The following C1orf94 variants were observed in gnomAD, a reference collection of about 807,000 sequenced individuals.
C1orf94 encodes the protein uncharacterized protein C1orf94.
A neutral mutation model predicts 53.6 loss-of-function variants in C1orf94; 45 were observed. The ratio of observed to expected loss-of-function variants is 0.84; its 90% confidence interval spans 0.66 to 1.08. The LOEUF (loss-of-function observed/expected upper bound fraction) is 1.08, where lower values mean the gene tolerates loss of function less well. Among genes scored for constraint, C1orf94 ranks in the 50% least tolerant of loss-of-function variants. The probability of loss-of-function intolerance (pLI) is 0.00; values close to 1 mark genes in which losing one functional copy is unlikely to be tolerated. For missense variants in C1orf94, 762 were observed against 738.9 expected (o/e 1.03, Z -0.36); for synonymous variants, 304 against 296.1 (o/e 1.03, Z -0.27).
At chr1:34,188,968 C>T (rs995149799) in intron 1 of C1orf94, among the ~76,000 whole-genome samples, 1 of 152,070 alleles carries the variant, frequency 6.6e-6, no homozygotes, top group Non-Finnish European at 1.5e-5. Context: ...TAGAATCCAC[C>T]TTCCTTCCCT....
At position 34,200,929 on chromosome 1, in the gene C1orf94, A is replaced by G. The variant is rs1642695927; in HGVS notation, c.1167A>G (p.Pro389=). 1.2e-6 allele frequency: 2 copies of G among 1,614,188 alleles called. No individual in the cohort carries two copies. The highest frequency in any genetic ancestry group is 1.7e-6 in the Non-Finnish European group (2 of 1,180,040). ...LTLPPKKPTC[P]AEKNLLYEFL... is the part of the protein sequence containing the mutation. ...TGCCGCCCAAGAAACCTACATGTCC[A>G]GCCGAGAAGAACTTGCTCTATGAGT... Residue 389 remains proline, a synonymous_variant, in exon 3 of 7, where the codon CCA becomes CCG. Transcript: ENST00000488417.
intron 1 of C1orf94, among the ~76,000 whole-genome samples, chr1:34,168,459 T>C (rs1642085963): frequency 6.6e-6 from 1 of 152,068 alleles, no homozygotes; most frequent in South Asian, 2.1e-4. Context: ...GTGGGGCAGA[T>C]CACATAGGGT....
intron 5 of C1orf94, among the ~76,000 whole-genome samples, chr1:34,209,129 C>T (rs1162487148): frequency 6.6e-6 from 1 of 152,074 alleles, no homozygotes; most frequent in African/African-American, 2.4e-5. Flanking sequence ...TCTGGCAACA[C>T]TACTTTCATG....
chr1:34,181,308 T>A (rs1472855497), intron 1 of C1orf94, among the ~76,000 whole-genome samples: 4 of 152,222 alleles, frequency 2.6e-5, no homozygotes, highest in Admixed American at 6.5e-5. Context: ...ACACTGTTGG[T>A]CCTTGTGGCA....
chr1:34,198,668 G>T (rs1642643723), intron 2 of C1orf94, among the ~76,000 whole-genome samples: 1 of 152,198 alleles, frequency 6.6e-6, no homozygotes, highest in Admixed American at 6.5e-5. Context: ...ATTTCCTCTG[G>T]GCTATGAGCA....
chr1:34,206,336 T>G (rs531307401), intron 4 of C1orf94, among the ~76,000 whole-genome samples: 1 of 152,048 alleles, frequency 6.6e-6, no homozygotes, highest in Non-Finnish European at 1.5e-5. Flanking sequence ...GAGAAGATGA[T>G]GAAAAAGAGG....
intron 4 of C1orf94, among the ~76,000 whole-genome samples, chr1:34,207,596 T>C (rs1318704245): frequency 6.6e-6 from 1 of 152,152 alleles, no homozygotes; most frequent in Non-Finnish European, 1.5e-5. Context: ...AGTTGTATAT[T>C]TGTACACAGA....
chr1:34,197,679 G>A lies in C1orf94; in HGVS notation c.775G>A (p.Val259Met). The change falls in exon 2 of 7, where the codon GTG becomes ATG. Residue 259 changes from valine to methionine, a missense_variant. Val to Met is a conservative substitution (Grantham distance 21). Transcript: ENST00000488417. The surrounding 1 kb of genome is among the most constrained non-coding windows in gnomAD (Gnocchi z 4.1). Reference protein sequence around the residue: ...ETSKVPDNKNVLDKTRVTKDF... With the variant: ...ETSKVPDNKNMLDKTRVTKDF... ...ATCCAAGGTCCCTGACAACAAGAAT[G>A]TGCTGGACAAGACAAGGGTCACCAA... 6.2e-7 allele frequency: 1 copy of A among 1,614,160 alleles called. No individual in the cohort carries two copies. Among genetic ancestry groups the A allele is most frequent in the Non-Finnish European group, 8.5e-7 (1 of 1,180,026 alleles).
intron 1 of C1orf94, among the ~76,000 whole-genome samples, chr1:34,188,550 C>A (rs1642424204): frequency 6.6e-6 from 1 of 152,140 alleles, no homozygotes; most frequent in Admixed American, 6.5e-5. Flanking sequence ...CTTTAGTAAA[C>A]CAGGCTCATG....
At chr1:34,217,563 C>A (rs1274978729) in intron 6 of C1orf94, among the ~76,000 whole-genome samples, 1 of 152,126 alleles carries the variant, frequency 6.6e-6, no homozygotes, top group Non-Finnish European at 1.5e-5. Context: ...TGTGTCAGGC[C>A]CTGGGCACAT....
rs1001986880 is a variant in C1orf94 at position 34,188,921 on chromosome 1, A to G, written c.321-8304A>G. Among the ~76,000 whole-genome samples, 17 of 152,170 alleles carry G rather than the reference A, an allele frequency of 1.1e-4. 1 individual carries two copies. Among genetic ancestry groups the G allele is most frequent in the Non-Finnish European group, 1.5e-5 (1 of 68,030 alleles). ...CAATTGTCCCTTATCCCTAAGCTGA[A>G]GGAAGTCAGCCTAGGCCCCCCAGAT... is the stretch of plus-strand genomic sequence containing the variant. On this transcript the variant is annotated intron_variant, in intron 1 of 6. Transcript: ENST00000488417.
intron 1 of C1orf94, among the ~76,000 whole-genome samples, chr1:34,169,128 G>A (rs1642097183): frequency 6.6e-6 from 1 of 152,064 alleles, no homozygotes; most frequent in African/African-American, 2.4e-5. Flanking sequence ...TAACTTCTCT[G>A]TGAGGAAAGG....
intron 4 of C1orf94, 83 bp downstream of exon 4, chr1:34,202,342 T>A: frequency 6.8e-7 from 1 of 1,469,122 alleles, no homozygotes. Flanking sequence ...GGGGTCTATT[T>A]CACAGAGTCT....
intron 1 of C1orf94, among the ~76,000 whole-genome samples, chr1:34,180,538 G>A (rs1049720325): frequency 6.6e-6 from 1 of 152,232 alleles, no homozygotes; most frequent in Admixed American, 6.5e-5. Context: ...AGCTCCTACA[G>A]TTAGGAAGTA....
chr1:34,203,854 C>A (rs1571347202), intron 4 of C1orf94, among the ~76,000 whole-genome samples: 2 of 152,306 alleles, frequency 1.3e-5, no homozygotes, highest in South Asian at 4.1e-4. Flanking sequence ...AATAAATGTC[C>A]ACTCTGGTTT....
At position 34,210,880 on chromosome 1, in the gene C1orf94, C is replaced by G. The variant is rs1433449311; in HGVS notation, c.1525-1330C>G. Among the ~76,000 whole-genome samples, 2 of 144,752 alleles carry G rather than the reference C, an allele frequency of 1.4e-5. 1 individual carries two copies. The highest frequency in any genetic ancestry group is 2.9e-5 in the Non-Finnish European group (2 of 67,940). 95.0% of individuals were successfully genotyped at this position (144,752 alleles called of 152,430 possible). A position where few individuals can be genotyped will look rare whatever the true frequency, so the allele number is the denominator to read the frequency against. Reference sequence around the variant, plus strand: ...ATATTGGCCAGGCTGGTCTCAAACTCCTGACCTTGTGATCCACCCACCTCG... The same window carrying G: ...ATATTGGCCAGGCTGGTCTCAAACTGCTGACCTTGTGATCCACCCACCTCG... On this transcript the variant is annotated intron_variant, in intron 5 of 6. Coordinates refer to ENST00000488417, the MANE Select transcript of C1orf94 (RefSeq NM_001134734.2).
In C1orf94 at chr1:34,197,004, A is replaced by G. The variant is rs2148617500; in HGVS notation, c.321-221A>G. Among the ~76,000 whole-genome samples the G allele has an allele frequency of 6.6e-6, 1 of 152,326 alleles. No individual in the cohort carries two copies. The highest frequency in any genetic ancestry group is 1.5e-5 in the Non-Finnish European group (1 of 68,020). On this transcript the variant is annotated intron_variant, in intron 1 of 6. Transcript: ENST00000488417. This position sits in a 1 kb window ranked among gnomAD's most constrained non-coding sequence, Gnocchi z 4.1. ...CAGCAAGGTTGTTGGGAGAGGATCC[A>G]GGTTTCCCCATTTTTCAAAACCATG... is the stretch of plus-strand genomic sequence containing the variant.
At chr1:34,194,973 C>G (rs549245973) in intron 1 of C1orf94, among the ~76,000 whole-genome samples, 6 of 151,930 alleles carry the variant, frequency 3.9e-5, no homozygotes, top group African/African-American at 1.5e-4. Flanking sequence ...AACTTGAGAC[C>G]GCAGATTGGC....
intron 5 of C1orf94, among the ~76,000 whole-genome samples, chr1:34,211,525 C>G (rs1228232072): frequency 2.6e-5 from 4 of 152,140 alleles, no homozygotes; most frequent in Admixed American, 2.6e-4. Flanking sequence ...TTTGCCCTTC[C>G]TCCTAGACTC....
Sources: allele counts gnomAD v4.1 joint callset (sites outside exome capture counted in the v4.1 genomes callset), GRCh38; gene constraint gnomAD v4.1.1; non-coding constraint Gnocchi (gnomAD v3.1); transcripts MANE v1.5; gene names NCBI Gene and HGNC (gene_info 2026-07-23, HGNC 2026-07-21).